KCND3: variants seen among roughly 807,000 people sequenced by gnomAD.
The protein encoded by KCND3 is A-type voltage-gated potassium channel KCND3.
KCND3 carries 9 observed loss-of-function variants against 51.1 expected under a neutral mutation model. That is an observed-to-expected ratio of 0.18 (90% CI 0.11 to 0.31). KCND3 has a LOEUF of 0.31. KCND3 is among the 10% of genes least tolerant of loss of function. KCND3 has a pLI of 1.00. For missense variants in KCND3, 526 were observed against 903.8 expected, an observed-to-expected ratio of 0.58 and a Z score of 5.36; for synonymous variants, 349 against 368.0, an observed-to-expected ratio of 0.95 and a Z score of 0.59.
intron 2 of KCND3, among the ~76,000 whole-genome samples, chr1:111,945,093 C>T (rs537827136): frequency 6.6e-6 from 1 of 152,326 alleles, no homozygotes; most frequent in African/African-American, 2.4e-5. Flanking sequence ...TCTTGAACCA[C>T]ACAGCCCCAC....
intron 2 of KCND3, among the ~76,000 whole-genome samples, chr1:111,929,291 C>A (rs1671849870): frequency 6.6e-6 from 1 of 152,182 alleles, no homozygotes; most frequent in Non-Finnish European, 1.5e-5. Flanking sequence ...CTATTGAGCA[C>A]CACTGGCTGA....
chr1:111,985,615 A>T (rs1468559919), intron 1 of KCND3, among the ~76,000 whole-genome samples: 1 of 152,150 alleles, frequency 6.6e-6, no homozygotes, highest in Non-Finnish European at 1.5e-5. Context: ...AATATATTTC[A>T]GGGGTTGCCA....
intron 2 of KCND3, among the ~76,000 whole-genome samples, chr1:111,846,739 C>T (rs942327101): frequency 3.9e-5 from 6 of 152,210 alleles, no homozygotes; most frequent in Non-Finnish European, 8.8e-5. Flanking sequence ...GCATTGTCAG[C>T]ACCTCACAGA....
intron 2 of KCND3, among the ~76,000 whole-genome samples, chr1:111,954,260 T>C (rs1287790457): frequency 6.6e-6 from 1 of 152,208 alleles, no homozygotes; most frequent in Non-Finnish European, 1.5e-5. Flanking sequence ...TTGTGAGCCA[T>C]CTGCTTCCTG....
intron 2 of KCND3, among the ~76,000 whole-genome samples, chr1:111,841,317 TA>T (rs2101641804): frequency 6.6e-6 from 1 of 152,334 alleles, no homozygotes; most frequent in African/African-American, 2.4e-5. Flanking sequence ...TCTGCGCAGT[TA>T]GAACTTCCCT....
intron 2 of KCND3, among the ~76,000 whole-genome samples, chr1:111,804,002 C>G (rs77146927): frequency 0.011 from 1,730 of 152,240 alleles, 30 homozygotes; most frequent in African/African-American, 0.04. Context: ...TCTTATGCTA[C>G]TTTACATCCT....
intron 2 of KCND3, among the ~76,000 whole-genome samples, chr1:111,847,016 C>T (rs912293308): frequency 6.6e-6 from 1 of 152,190 alleles, no homozygotes; most frequent in African/African-American, 2.4e-5. Context: ...CAGCTCAAGC[C>T]CAGTGCCTGG....
intron 2 of KCND3, among the ~76,000 whole-genome samples, chr1:111,867,015 C>A (rs1237016691): frequency 6.6e-6 from 1 of 152,120 alleles, no homozygotes; most frequent in Non-Finnish European, 1.5e-5. Flanking sequence ...GCTTTTAAGT[C>A]CTCGCTCTGC....
At chr1:111,813,210 T>C (rs1012789957) in intron 2 of KCND3, among the ~76,000 whole-genome samples, 6 of 152,060 alleles carry the variant, frequency 3.9e-5, no homozygotes, top group African/African-American at 1.4e-4. Context: ...CTTGGAACCC[T>C]AGCAAGCTCA....
chr1:111,889,834 G>A (rs1052616704), intron 2 of KCND3, among the ~76,000 whole-genome samples: 1 of 142,976 alleles, frequency 7.0e-6, no homozygotes, highest in African/African-American at 2.4e-5. Flanking sequence ...CGGGGAGCAG[G>A]AGGCCTGGGG....
chr1:111,876,480 T>C (rs1669055667), intron 2 of KCND3, among the ~76,000 whole-genome samples: 1 of 152,124 alleles, frequency 6.6e-6, no homozygotes, highest in Non-Finnish European at 1.5e-5. Context: ...CCACAATGCA[T>C]CCCCACCCCA....
intron 2 of KCND3, among the ~76,000 whole-genome samples, chr1:111,886,102 GT>G (rs1669559225): frequency 6.6e-6 from 1 of 152,214 alleles, no homozygotes; most frequent in African/African-American, 2.4e-5. Context: ...TCCTGTATTA[GT>G]TTAAAAAGTT....
At chr1:111,874,362 T>G (rs1442636900) in intron 2 of KCND3, among the ~76,000 whole-genome samples, 1 of 152,216 alleles carries the variant, frequency 6.6e-6, no homozygotes. Context: ...TCTTTCAAAA[T>G]AGACACCTTG....
chr1:111,951,767 A>G (rs1236880633), intron 2 of KCND3, among the ~76,000 whole-genome samples: 3 of 152,202 alleles, frequency 2.0e-5, no homozygotes, highest in Non-Finnish European at 4.4e-5. Flanking sequence ...GAGTTTGGCT[A>G]TTTTAGATAG....
Position 111,773,294 on chromosome 1 carries a change from C to A in KCND3, c.*2783G>T, listed in dbSNP as rs530284628. 1.3e-5 allele frequency: 2 copies of A among 152,210 alleles called. No individual in the cohort carries two copies. Among genetic ancestry groups the A allele is most frequent in the South Asian group, 2.1e-4 (1 of 4,820 alleles). 9.4% of individuals were successfully genotyped at this position (152,210 alleles called of 1,614,324 possible). On this transcript the variant is annotated 3_prime_UTR_variant, in exon 8 of 8. Transcript: ENST00000302127. Reference sequence around the variant, plus strand: ...GAACCAGTAAAATGTTCCCTTGGTGCCCTATCAAACAGATCCTTTGTTGAA... The same window carrying A: ...GAACCAGTAAAATGTTCCCTTGGTGACCTATCAAACAGATCCTTTGTTGAA...
intron 2 of KCND3, among the ~76,000 whole-genome samples, chr1:111,913,366 T>C (rs1671053951): frequency 6.6e-6 from 1 of 152,180 alleles, no homozygotes; most frequent in Admixed American, 6.5e-5. Context: ...CATTGTTTAG[T>C]GATGCACGAT....
intron 2 of KCND3, among the ~76,000 whole-genome samples, chr1:111,980,054 C>T (rs573501252): frequency 1.6e-4 from 25 of 152,226 alleles, no homozygotes; most frequent in South Asian, 4.1e-4. Context: ...GGGATAAAGA[C>T]GACCTCTTGA....
chr1:111,965,002 A>T (rs1673888871), intron 2 of KCND3, among the ~76,000 whole-genome samples: 1 of 152,200 alleles, frequency 6.6e-6, no homozygotes, highest in Non-Finnish European at 1.5e-5. Flanking sequence ...TGTTGAGCGG[A>T]TAAAGGAAAT....
intron 2 of KCND3, among the ~76,000 whole-genome samples, chr1:111,885,526 C>T (rs1373636407): frequency 6.6e-6 from 1 of 152,178 alleles, no homozygotes; most frequent in Non-Finnish European, 1.5e-5. Flanking sequence ...AATTTTGATA[C>T]TTGCTTAGAG....
Sources: gnomAD v4.1 joint callset for allele counts (sites outside exome capture counted in the v4.1 genomes callset) on GRCh38, gnomAD v4.1.1 for gene constraint, MANE v1.5 for transcripts, NCBI Gene and HGNC (gene_info 2026-07-23, HGNC 2026-07-21) for gene names.